Variants in NINJ2 observed in about 807,000 individuals in gnomAD.
NINJ2 encodes the protein ninjurin-2.
Under a neutral mutation model 11.7 loss-of-function variants are expected in NINJ2, and 12 were observed. The ratio of observed to expected loss-of-function variants is 1.02; its 90% CI spans 0.66 to 1.66. The LOEUF is 1.66. NINJ2 is among the 40% of genes most tolerant of loss of function. The pLI is 0.00. For synonymous variants in NINJ2, 93 were observed against 76.8 expected (o/e 1.21, Z -1.10); for missense variants, 187 against 181.8 (o/e 1.03, Z -0.16).
chr12:616,628 G>A (rs966331497), intron 1 of NINJ2, among the ~76,000 whole-genome samples: 7 of 152,212 alleles, frequency 4.6e-5, no homozygotes, highest in African/African-American at 7.2e-5. Flanking sequence ...AAGAGGCCAC[G>A]ATGCCAAGAA....
At chr12:648,924 C>T (rs192364885) in intron 1 of NINJ2, among the ~76,000 whole-genome samples, 208 of 152,248 alleles carry the variant, frequency 1.4e-3, no homozygotes, top group Non-Finnish European at 2.1e-3. Context: ...AGTCAAAGTC[C>T]TATTCATCCT....
At chr12:625,523 A>T (rs1253115829) in intron 1 of NINJ2, among the ~76,000 whole-genome samples, 1 of 152,186 alleles carries the variant, frequency 6.6e-6, no homozygotes, top group Non-Finnish European at 1.5e-5. Flanking sequence ...TTGAAGAAAA[A>T]GAAAGCATTG....
At chr12:634,808 G>A (rs1029495789) in intron 1 of NINJ2, among the ~76,000 whole-genome samples, 3 of 152,144 alleles carry the variant, frequency 2.0e-5, no homozygotes, top group Non-Finnish European at 4.4e-5. Context: ...CAGACCCAGG[G>A]CACCATAACA....
chr12:646,289 A>G (rs1159334175), intron 1 of NINJ2, among the ~76,000 whole-genome samples: 1 of 152,206 alleles, frequency 6.6e-6, no homozygotes. Context: ...CAGCTTTTAC[A>G]GGAGCGTCCA....
chr12:612,327 G>A (rs534312510), intron 1 of NINJ2, among the ~76,000 whole-genome samples: 1 of 152,224 alleles, frequency 6.6e-6, no homozygotes, highest in African/African-American at 2.4e-5. Flanking sequence ...CGGGGCAGTC[G>A]CAACCTCCCG....
At chr12:654,263 G>A (rs776448748) in intron 1 of NINJ2, among the ~76,000 whole-genome samples, 7 of 152,110 alleles carry the variant, frequency 4.6e-5, no homozygotes, top group Non-Finnish European at 1.0e-4. Context: ...GGTGGCTCAC[G>A]CCTGTAATCC....
intron 1 of NINJ2, among the ~76,000 whole-genome samples, chr12:625,291 A>T (rs1011812397): frequency 1.3e-5 from 2 of 152,090 alleles, no homozygotes; most frequent in Non-Finnish European, 2.9e-5. Flanking sequence ...CAGCAGGTGG[A>T]CCTACATGCA....
chr12:568,227 AGTT>A (rs1483898336), intron 1 of NINJ2, among the ~76,000 whole-genome samples: 1 of 152,208 alleles, frequency 6.6e-6, no homozygotes, highest in Non-Finnish European at 1.5e-5. Flanking sequence ...TATAAATAGA[AGTT>A]TAATTTTCTT....
intron 1 of NINJ2, among the ~76,000 whole-genome samples, chr12:638,570 C>T (rs75542102): frequency 3.3e-5 from 5 of 152,206 alleles, no homozygotes; most frequent in Admixed American, 6.5e-5. Context: ...CGCCCGCCAC[C>T]ACGCCTGGCT....
chr12:639,563 A>T (rs57724327), intron 1 of NINJ2, among the ~76,000 whole-genome samples: 2,855 of 152,304 alleles, frequency 0.019, 100 homozygotes, highest in African/African-American at 0.065. Context: ...AAGAAAAAAA[A>T]GTCCCCATTG....
At chr12:579,284 C>G (rs1335498338) in intron 1 of NINJ2, among the ~76,000 whole-genome samples, 1 of 150,982 alleles carries the variant, frequency 6.6e-6, no homozygotes, top group African/African-American at 2.4e-5. Context: ...TCCCACCCCA[C>G]CCAGCCCTGC....
intron 1 of NINJ2, among the ~76,000 whole-genome samples, chr12:637,429 C>G (rs1948365786): frequency 6.6e-6 from 1 of 151,750 alleles, no homozygotes; most frequent in Non-Finnish European, 1.5e-5. Flanking sequence ...ATCACGAGGT[C>G]AGGAGTTCAC....
intron 1 of NINJ2, chr12:610,240 C>T (rs1219379527): frequency 3.3e-6 from 3 of 906,212 alleles, no homozygotes; most frequent in Non-Finnish European, 5.2e-6. Flanking sequence ...AATGCTTTTG[C>T]GTGAGTGAAA....
intron 1 of NINJ2, among the ~76,000 whole-genome samples, chr12:629,916 T>TATATATATATATATATATATATATAC (rs147102413): frequency 6.9e-5 from 5 of 72,988 alleles, no homozygotes; most frequent in Non-Finnish European, 1.2e-4. Context: ...TATATATATA[T>TATATATATATATATATATATATATAC]ATATATGAAG....
At chr12:579,533 T>C (rs1947517637) in intron 1 of NINJ2, among the ~76,000 whole-genome samples, 1 of 152,098 alleles carries the variant, frequency 6.6e-6, no homozygotes, top group Non-Finnish European at 1.5e-5. Flanking sequence ...ACAAAACAAC[T>C]GCCTTCCTTG....
intron 1 of NINJ2, among the ~76,000 whole-genome samples, chr12:587,060 C>T (rs77689918): frequency 0.019 from 2,868 of 152,308 alleles, 100 homozygotes; most frequent in African/African-American, 0.064. Context: ...AAAGGGAAAG[C>T]GTAGGCTCCC....
chr12:595,512 C>T (rs573442611), intron 1 of NINJ2, among the ~76,000 whole-genome samples: 17 of 152,250 alleles, frequency 1.1e-4, no homozygotes, highest in Non-Finnish European at 2.2e-4. Flanking sequence ...TGGTGGCTCA[C>T]GACTGTAATC....
At chr12:653,417 A>G (rs1041802806) in intron 1 of NINJ2, among the ~76,000 whole-genome samples, 10 of 152,182 alleles carry the variant, frequency 6.6e-5, no homozygotes, top group Admixed American at 5.2e-4. Context: ...TATGATGTAT[A>G]CACATATATA....
At chr12:657,420 T>G (rs1937888023) in intron 1 of NINJ2, among the ~76,000 whole-genome samples, 1 of 152,064 alleles carries the variant, frequency 6.6e-6, no homozygotes, top group African/African-American at 2.4e-5. Flanking sequence ...AAACCCCGCC[T>G]CTATTAAAAA....
Sources: allele counts gnomAD v4.1 joint callset (sites outside exome capture counted in the v4.1 genomes callset), GRCh38; gene constraint gnomAD v4.1.1; transcripts MANE v1.5; gene names NCBI Gene and HGNC (gene_info 2026-07-23, HGNC 2026-07-21).